Variants in WDR31 observed in about 807,000 individuals in gnomAD.
WDR31 encodes WD repeat domain 31, also known as WD repeat-containing protein 31.
WDR31 carries 30 observed loss-of-function variants against 47.3 expected under a neutral mutation model. The ratio of observed to expected loss-of-function variants is 0.63; its 90% CI spans 0.47 to 0.86. WDR31 has a LOEUF of 0.86. WDR31 is among the 40% of genes least tolerant of loss of function. The probability of loss-of-function intolerance (pLI) is 0.00; values close to 1 mark genes in which losing one functional copy is unlikely to be tolerated. For missense variants in WDR31, 406 were observed against 442.9 expected, an observed-to-expected ratio of 0.92 and a Z score of 0.75; for synonymous variants, 137 against 159.4, an observed-to-expected ratio of 0.86 and a Z score of 1.06.
rs1324174913 is a variant in WDR31, at chr9:113,331,100, T to C, written c.133A>G (p.Ile45Val). The change falls in exon 4 of 11, where the codon ATA (isoleucine) becomes GTA (valine). Residue 45 changes from isoleucine (I) to valine (V), a missense_variant. Physicochemically the swap from Ile to Val is conservative, Grantham distance 29 (BLOSUM62 3). Coordinates refer to ENST00000374193, the MANE Select transcript of WDR31 (RefSeq NM_001012361.4). ...TYKYGRPDEI[I>V]EERIQTKAFQ... Reference sequence around the variant, plus strand: ...GCTTTAGTTTGAATTCTCTCTTCTATAATTTCATCAGGCCTGCTAAAAAGA... The same window carrying C: ...GCTTTAGTTTGAATTCTCTCTTCTACAATTTCATCAGGCCTGCTAAAAAGA... 5.2e-6 allele frequency: 8 copies of C among 1,553,166 alleles called. No individual in the cohort carries two copies. Among genetic ancestry groups the C allele is most frequent in the Non-Finnish European group, 1.7e-6 (2 of 1,145,886 alleles).
At chr9:113,331,340 G>A (rs1309092144) in intron 3 of WDR31, among the ~76,000 whole-genome samples, 2 of 152,160 alleles carry the variant, frequency 1.3e-5, no homozygotes, top group Admixed American at 6.5e-5. Flanking sequence ...TCTGATAAAG[G>A]GGGATCCTGA....
intron 10 of WDR31, 70 bp downstream of exon 10, chr9:113,318,402 GGAA>G: frequency 1.3e-6 from 2 of 1,572,906 alleles, no homozygotes; most frequent in Non-Finnish European, 1.7e-6. Flanking sequence ...CTGAGCAATG[GGAA>G]GAAGGAGTTT....
In WDR31 at chr9:113,322,763, C is replaced by A. The variant is rs776548364; in HGVS notation, c.570+48G>T. 8.2e-6 allele frequency: 13 copies of A among 1,587,834 alleles called. No individual in the cohort carries two copies. The African/African-American group carries it at 9.4e-5, about 12-fold the overall frequency. Reference sequence around the variant, plus strand: ...TTATCTCCCGAGCCTTTCCTTCACCCCATGCTCCTTTCTGCTGCCCTGTTC... The same window carrying A: ...TTATCTCCCGAGCCTTTCCTTCACCACATGCTCCTTTCTGCTGCCCTGTTC... On this transcript the variant is annotated intron_variant, in intron 7 of 10. Coordinates refer to ENST00000374193, the MANE Select transcript of WDR31 (RefSeq NM_001012361.4).
intron 9 of WDR31, among the ~76,000 whole-genome samples, chr9:113,319,635 G>A (rs771854693): frequency 1.1e-4 from 17 of 152,164 alleles, no homozygotes; most frequent in Middle Eastern, 3.4e-3. Flanking sequence ...TGAATCTAAG[G>A]TGCTTTGGAG....
chr9:113,328,749 G>T, intron 5 of WDR31, 132 bp downstream of exon 5: 1 of 744,018 alleles, frequency 1.3e-6, no homozygotes, highest in Non-Finnish European at 2.2e-6. Context: ...CCTGAAGTAG[G>T]ATTTCACAGC....
At chr9:113,331,391 T>A (rs1386118755) in intron 3 of WDR31, among the ~76,000 whole-genome samples, 1 of 152,188 alleles carries the variant, frequency 6.6e-6, no homozygotes, top group East Asian at 1.9e-4. Flanking sequence ...ACACTAGCAA[T>A]TAATCCTGAA....
intron 9 of WDR31, among the ~76,000 whole-genome samples, chr9:113,319,292 A>C (rs566561277): frequency 6.6e-6 from 1 of 152,378 alleles, no homozygotes; most frequent in African/African-American, 2.4e-5. Flanking sequence ...GTTATTGGAC[A>C]GCATGTTATC....
intron 1 of WDR31, among the ~76,000 whole-genome samples, chr9:113,338,645 T>C (rs898009821): frequency 6.7e-6 from 1 of 150,008 alleles, no homozygotes; most frequent in African/African-American, 2.5e-5. Flanking sequence ...TGAGATGGAG[T>C]TTCTCTCTTG....
chr9:113,318,360 G>A lies in WDR31; in HGVS notation c.943+115C>T, dbSNP rs1588038341. 7 of 1,210,152 alleles carry A rather than the reference G, an allele frequency of 5.8e-6. No homozygotes were observed. The East Asian group carries it at 1.6e-4, about 28-fold the overall frequency. 75.0% of individuals were successfully genotyped at this position (1,210,152 alleles called of 1,614,324 possible). A position where few individuals can be genotyped will look rare whatever the true frequency, so the allele number is the denominator to read the frequency against. On this transcript the variant is annotated intron_variant, in intron 10 of 10. Transcript: ENST00000374193. ...ACATCACCTCTTAAGCATGAGACTG[G>A]ACAGTGGCAGAAGATGGGTGGCTTT...
chr9:113,336,694 T>G (rs977010160), intron 1 of WDR31, among the ~76,000 whole-genome samples: 2 of 152,236 alleles, frequency 1.3e-5, no homozygotes, highest in East Asian at 1.9e-4. Context: ...AAATCTTGAG[T>G]TGACTGCTTA....
chr9:113,339,203 C>G (rs572392018), intron 1 of WDR31, among the ~76,000 whole-genome samples: 2 of 152,288 alleles, frequency 1.3e-5, no homozygotes, highest in East Asian at 3.9e-4. Flanking sequence ...AAACAGAAAG[C>G]AGAGAATTCT....
In WDR31 at chr9:113,318,568, A is replaced by C. The variant is rs894545449; in HGVS notation, c.850T>G (p.Cys284Gly). The C allele has an allele frequency of 1.9e-6, 3 of 1,614,122 alleles. No individual in the cohort carries two copies. The highest frequency in any genetic ancestry group is 1.6e-4 in the Middle Eastern group (1 of 6,084). Residue 284 changes from cysteine to glycine, a missense_variant, in exon 10 of 11, where the codon TGC becomes GGC. Physicochemically the swap from Cys to Gly is radical, Grantham distance 159. Transcript: ENST00000374193. ...GCCAATGCTCTTGGTAGAAAGACGC[A>C]GGATGCGACAGTCTGGAAATGCCCC... ...YKGHFQTVAS[C>G]VFLPRALALM...
chr9:113,339,189 C>T (rs761628935), intron 1 of WDR31, among the ~76,000 whole-genome samples: 1 of 152,190 alleles, frequency 6.6e-6, no homozygotes, highest in Non-Finnish European at 1.5e-5. Flanking sequence ...CTCTAAACCA[C>T]CCTAAACAGA....
chr9:113,324,824 ATATATGTGTGTGTGTGTGTGTGTG>A (rs1352324718), intron 5 of WDR31, among the ~76,000 whole-genome samples: 2 of 93,186 alleles, frequency 2.1e-5, no homozygotes, highest in African/African-American at 9.8e-5. Context: ...TGCTATATAT[ATATATGTGTGTGTGTGTGTGTGTG>A]TGTGTGTGTG....
In WDR31 at chr9:113,328,959, AAG is replaced by A. The variant is rs1833534961; in HGVS notation, c.250-6_250-5del. 3 of 1,612,596 alleles carry A rather than the reference AAG, an allele frequency of 1.9e-6. No homozygotes were observed. Among genetic ancestry groups the A allele is most frequent in the Non-Finnish European group, 2.5e-6 (3 of 1,178,628 alleles). On this transcript the variant is annotated splice_region_variant and splice_polypyrimidine_tract_variant and intron_variant, in intron 4 of 10. Coordinates refer to ENST00000374193, the MANE Select transcript of WDR31 (RefSeq NM_001012361.4). ...TCCAATTATAGGCCACAACTGTCTG[AAG>A]AGAGTGAAGATTGTAGTTTCATTAC...
Position 113,328,897 on chromosome 9 carries a change from T to A in WDR31, c.308A>T (p.Glu103Val). The A allele has an allele frequency of 1.2e-6, 2 of 1,614,006 alleles. No individual in the cohort carries two copies. Among genetic ancestry groups the A allele is most frequent in the Non-Finnish European group, 1.7e-6 (2 of 1,179,824 alleles). The change falls in exon 5 of 11, where the codon GAA becomes GTA. Residue 103 changes from glutamate to valine, a missense_variant. Physicochemically the swap from Glu to Val is moderately radical, Grantham distance 121. Coordinates refer to ENST00000374193, the MANE Select transcript of WDR31 (RefSeq NM_001012361.4). The part of the protein sequence containing the change: ...GNVVKRFKGH[E>V]HEITKVACIP... ...GAAAATTACCTTGGTGATCTCATGTTCATGTCCTTTGAACCTTTTCACCAC... is the reference window on the plus strand; with the variant it reads ...GAAAATTACCTTGGTGATCTCATGTACATGTCCTTTGAACCTTTTCACCAC...
In WDR31 at chr9:113,314,073, T is replaced by C. The variant is rs976659118; in HGVS notation, c.*2676A>G. 7.8e-6 allele frequency: 1 copy of C among 128,956 alleles called. No homozygotes were observed. The highest frequency in any genetic ancestry group is 1.6e-5 in the Non-Finnish European group (1 of 64,170). 8.0% of individuals were successfully genotyped at this position (128,956 alleles called of 1,614,324 possible). A position where few individuals can be genotyped will look rare whatever the true frequency, so the allele number is the denominator to read the frequency against. ...TATTCGGGAGGCTGAGGCAGGAGAA[T>C]GGCGTCAACCCGGGAGGCGGAGCTT... On this transcript the variant is annotated 3_prime_UTR_variant, in exon 11 of 11. Transcript: ENST00000374193.
intron 5 of WDR31, among the ~76,000 whole-genome samples, chr9:113,324,802 T>C (rs1177155864): frequency 6.6e-6 from 1 of 151,358 alleles, no homozygotes; most frequent in African/African-American, 2.4e-5. Context: ...TTTTGGCTAT[T>C]ATAAACAATG....
chr9:113,335,667 T>A (rs141954981), intron 2 of WDR31, among the ~76,000 whole-genome samples: 1 of 152,154 alleles, frequency 6.6e-6, no homozygotes, highest in Non-Finnish European at 1.5e-5. Context: ...CTGACGAGAA[T>A]AGGTAACCAA....
Sources: gnomAD v4.1 joint callset for allele counts (sites outside exome capture counted in the v4.1 genomes callset) on GRCh38, gnomAD v4.1.1 for gene constraint, MANE v1.5 for transcripts, NCBI Gene and HGNC (gene_info 2026-07-23, HGNC 2026-07-21) for gene names.